The following EIF3D variants were observed in gnomAD, a reference collection of about 807,000 sequenced individuals.
The protein encoded by EIF3D is eukaryotic translation initiation factor 3 subunit D.
In EIF3D, 10 loss-of-function variants were observed where a neutral mutation model predicts 75.4. The observed-to-expected ratio is 0.13, with a 90% confidence interval of 0.08 to 0.22. The LOEUF (loss-of-function observed/expected upper bound fraction) is 0.22. EIF3D is among the 10% of genes least tolerant of loss of function. The pLI is 1.00. For missense variants in EIF3D, 394 were observed against 708.0 expected, an observed-to-expected ratio of 0.56 and a Z score of 5.03; for synonymous variants, 246 against 248.3, an observed-to-expected ratio of 0.99 and a Z score of 0.09.
intron 7 of EIF3D, among the ~76,000 whole-genome samples, 180 bp from the exon 8 acceptor site, chr22:36,519,717 C>G (rs1934482984): frequency 6.6e-6 from 1 of 152,154 alleles, no homozygotes; most frequent in African/African-American, 2.4e-5. Flanking sequence ...TAACACCTGG[C>G]ATAGAACACA....
intron 12 of EIF3D, among the ~76,000 whole-genome samples, chr22:36,513,395 C>T (rs903593602): frequency 3.3e-4 from 50 of 151,962 alleles, no homozygotes; most frequent in African/African-American, 1.0e-3. Flanking sequence ...CTCCGCCTCC[C>T]GGGTTCAAGT....
chr22:36,519,431 T>G lies in EIF3D; in HGVS notation c.685A>C (p.Thr229Pro). The G allele has an allele frequency of 6.2e-7, 1 of 1,614,114 alleles. No homozygotes were observed. Among genetic ancestry groups the G allele is most frequent in the Non-Finnish European group, 8.5e-7 (1 of 1,180,010 alleles). ...TTGCGGATGACAGGGTCGTCTGTGG[T>G]GGTGACAGTGTGGAAGATGCGCTTG... ...SIKRIFHTVT[T>P]TDDPVIRKLA... The change falls in exon 8 of 15, where the codon ACC (threonine) becomes CCC (proline). Residue 229 changes from threonine to proline, a missense_variant. Coordinates refer to ENST00000216190, the MANE Select transcript of EIF3D (RefSeq NM_003753.4).
In EIF3D at chr22:36,516,755, C is replaced by G. The variant is rs547158688; in HGVS notation, c.1026G>C (p.Pro342=). 6.2e-7 allele frequency: 1 copy of G among 1,614,104 alleles called. No homozygotes were observed. Among genetic ancestry groups the G allele is most frequent in the Admixed American group, 1.7e-5 (1 of 60,006 alleles). The change falls in exon 11 of 15, where the codon CCG becomes CCC. Residue 342 remains proline (P), a synonymous_variant. Transcript: ENST00000216190. ...KERYNFPNPN[P]FVEDDMDKNE... is the part of the protein sequence containing the mutation. Reference sequence around the variant, plus strand: ...TCTTATCCATGTCGTCCTCCACAAACGGGTTTGGGTTGGGGAAGTTGTATC... The same window carrying G: ...TCTTATCCATGTCGTCCTCCACAAAGGGGTTTGGGTTGGGGAAGTTGTATC...
chr22:36,517,146 C>A (rs1279675662), intron 10 of EIF3D, among the ~76,000 whole-genome samples, 155 bp downstream of exon 10: 1 of 152,240 alleles, frequency 6.6e-6, no homozygotes, highest in Non-Finnish European at 1.5e-5. Flanking sequence ...GAGAGCCTAA[C>A]ATCCAAGCCC....
At chr22:36,524,513 G>A in intron 4 of EIF3D, 83 bp downstream of exon 4, 1 of 1,580,900 alleles carries the variant, frequency 6.3e-7, no homozygotes. Context: ...TCTCTCATTA[G>A]GAGTCACAAG....
intron 10 of EIF3D, 63 bp from the exon 11 acceptor site, chr22:36,516,853 T>G: frequency 1.4e-6 from 2 of 1,471,454 alleles, no homozygotes; most frequent in South Asian, 2.3e-5. Flanking sequence ...GGCCAATCAG[T>G]CAGACCCAGC....
At chr22:36,520,751 C>G in intron 6 of EIF3D, 63 bp from the exon 7 acceptor site, 1 of 1,225,876 alleles carries the variant, frequency 8.2e-7, no homozygotes, top group African/African-American at 1.5e-5. Context: ...AAATAAAAGA[C>G]AGGCTAAAAA....
At chr22:36,516,401 A>G (rs62230004) in intron 12 of EIF3D, 77 bp downstream of exon 12, 47,927 of 1,543,378 alleles carry the variant, frequency 0.031, 862 homozygotes, top group Non-Finnish European at 0.036. Context: ...AGTTTATACA[A>G]CCTAGCCTGC....
chr22:36,528,035 T>C (rs1468841306), intron 1 of EIF3D, among the ~76,000 whole-genome samples: 1 of 152,180 alleles, frequency 6.6e-6, no homozygotes, highest in Non-Finnish European at 1.5e-5. Context: ...GAACAATTTG[T>C]ATTAAATAAA....
chr22:36,527,547 G>C (rs76892231), intron 1 of EIF3D, among the ~76,000 whole-genome samples: 4,072 of 152,288 alleles, frequency 0.027, 180 homozygotes, highest in African/African-American at 0.092. Flanking sequence ...CACTACACAA[G>C]TATTTCTTGG....
chr22:36,516,280 TAC>T (rs764918701), intron 12 of EIF3D, 196 bp downstream of exon 12: 17 of 613,344 alleles, frequency 2.8e-5, no homozygotes, highest in African/African-American at 1.1e-4. Flanking sequence ...AACATAGTTC[TAC>T]ACACACAGTC....
chr22:36,520,186 C>T (rs1333482287), intron 7 of EIF3D, among the ~76,000 whole-genome samples: 3 of 147,784 alleles, frequency 2.0e-5, no homozygotes, highest in East Asian at 2.0e-4. Flanking sequence ...GATGGAGTTT[C>T]GCTCTTGTTG....
intron 3 of EIF3D, among the ~76,000 whole-genome samples, chr22:36,525,141 T>C (rs713802): frequency 0.022 from 3,271 of 152,130 alleles, 64 homozygotes; most frequent in Non-Finnish European, 0.036. Context: ...GCCTCAGCTA[T>C]CCTAACTTAG....
Position 36,511,765 on chromosome 22 carries a change from C to G in EIF3D, c.1371G>C (p.Val457=), listed in dbSNP as rs769346362. 5.0e-6 allele frequency: 8 copies of G among 1,613,676 alleles called. No individual in the cohort carries two copies. The South Asian group carries it at 7.7e-5, about 16-fold the overall frequency. Reference sequence around the variant, plus strand: ...GGATGACGTGGCGTGAGGAGTCTTTCACGTGGTACCGAGACACATAACTAA... The same window carrying G: ...GGATGACGTGGCGTGAGGAGTCTTTGACGTGGTACCGAGACACATAACTAA... ...LKLGYVSRYH[V]KDSSRHVILG... The change falls in exon 14 of 15, where the codon GTG becomes GTC. Residue 457 remains valine (V), a synonymous_variant. Transcript: ENST00000216190.
intron 2 of EIF3D, 61 bp downstream of exon 2, chr22:36,525,938 A>T: frequency 1.9e-6 from 3 of 1,550,334 alleles, no homozygotes; most frequent in Non-Finnish European, 2.6e-6. Flanking sequence ...AAATCTAAAC[A>T]GGGACTCGAG....
chr22:36,524,470 G>A lies in EIF3D; in HGVS notation c.306+126C>T, dbSNP rs559645370. The A allele has an allele frequency of 1.0e-3, 1,422 of 1,374,226 alleles. 27 individuals carry two copies. In the South Asian group the frequency reaches 0.018, roughly 17 times the overall value. The allele number at this position is 1,374,226 out of a possible 1,614,324, so 85.1% of individuals were successfully genotyped here. ...ACCACTTGTTATGGAACGGTGACCC[G>A]AGATTCACGAAAAGACCTATAATAT... On this transcript the variant is annotated intron_variant, in intron 4 of 14. Transcript: ENST00000216190.
chr22:36,519,768 G>T (rs1247589202), intron 7 of EIF3D, among the ~76,000 whole-genome samples: 1 of 152,166 alleles, frequency 6.6e-6, no homozygotes, highest in African/African-American at 2.4e-5. Context: ...CATTTTAAAG[G>T]TAGGGTGACC....
At chr22:36,526,346 C>T (rs919922719) in intron 1 of EIF3D, among the ~76,000 whole-genome samples, 13 of 152,142 alleles carry the variant, frequency 8.5e-5, no homozygotes, top group Non-Finnish European at 1.5e-4. Context: ...ACTGATTTTT[C>T]ATATTTCATT....
intron 8 of EIF3D, 44 bp downstream of exon 8, chr22:36,519,361 C>G (rs772712426): frequency 6.2e-7 from 1 of 1,611,362 alleles, no homozygotes; most frequent in Non-Finnish European, 8.5e-7. Flanking sequence ...TAGAAGCCGA[C>G]AGCATTCCTA....
Sources: allele counts gnomAD v4.1 joint callset (sites outside exome capture counted in the v4.1 genomes callset), GRCh38; gene constraint gnomAD v4.1.1; transcripts MANE v1.5; gene names NCBI Gene and HGNC (gene_info 2026-07-23, HGNC 2026-07-21).